Variants in ELAC2 observed in about 807,000 individuals in gnomAD.
ELAC2 encodes the protein zinc phosphodiesterase ELAC protein 2.
In ELAC2, 92 loss-of-function variants were observed where a neutral mutation model predicts 105.2. The ratio of observed to expected loss-of-function variants is 0.87; its 90% confidence interval spans 0.74 to 1.04. The LOEUF is 1.04. Ranked by LOEUF, ELAC2 falls within the 50% of genes least tolerant of loss-of-function variation. The pLI is 0.00. For missense variants in ELAC2, 1,099 were observed against 1,071.7 expected (o/e 1.03, Z -0.36); for synonymous variants, 468 against 409.1 (o/e 1.14, Z -1.74).
rs2040240629 is a variant in ELAC2, at chr17:12,992,636, G to C, written c.*182C>G. ...CGGCTGTGCCAGGCACCAGTCCTAA[G>C]AGGCATCTATAGACTAGTGCTTATG... On this transcript the variant is annotated 3_prime_UTR_variant, in exon 24 of 24. Transcript: ENST00000338034. 1 of 673,094 alleles carries C rather than the reference G, an allele frequency of 1.5e-6. No homozygotes were observed. Among genetic ancestry groups the C allele is most frequent in the African/African-American group, 1.8e-5 (1 of 55,600 alleles). 41.7% of individuals were successfully genotyped at this position (673,094 alleles called of 1,614,324 possible).
intron 8 of ELAC2, 50 bp downstream of exon 8, chr17:13,010,563 C>T (rs372973098): frequency 1.2e-5 from 18 of 1,560,436 alleles, no homozygotes; most frequent in Middle Eastern, 1.7e-4. Flanking sequence ...AACCAGAGGT[C>T]GCTGACCAAG....
Position 12,993,015 on chromosome 17 carries a change from T to C in ELAC2, c.2284A>G (p.Lys762Glu). The C allele has an allele frequency of 6.2e-7, 1 of 1,604,602 alleles. No homozygotes were observed. Among genetic ancestry groups the C allele is most frequent in the Non-Finnish European group, 8.5e-7 (1 of 1,178,216 alleles). Residue 762 changes from lysine to glutamate, a missense_variant, in exon 24 of 24, where the codon AAG becomes GAG. Transcript: ENST00000338034. ...VCFGDFPTMPKLIPPLKALFA... is the reference protein window; with the variant it reads ...VCFGDFPTMPELIPPLKALFA... The stretch of plus-strand genomic sequence containing the variant: ...AGGGCTTTCAGTGGGGGAATCAGCT[T>C]GGGCATTGTTGGAAAGTCTCCAAAG...
chr17:13,008,011 G>T (rs2041204732), intron 8 of ELAC2, among the ~76,000 whole-genome samples: 1 of 152,080 alleles, frequency 6.6e-6, no homozygotes, highest in Admixed American at 6.6e-5. Context: ...GACTAGCCTG[G>T]CCAACATGGC....
In ELAC2 at chr17:12,995,177, T is replaced by C. The variant is rs2040408693; in HGVS notation, c.1809-115A>G. ...ATCATTCTTAGGAGAAAACATGAGT[T>C]AAATCATAGTCACTATGATGAGGAA... On this transcript the variant is annotated intron_variant, in intron 19 of 23. Coordinates refer to ENST00000338034, the MANE Select transcript of ELAC2 (RefSeq NM_018127.7). 4.6e-6 allele frequency: 5 copies of C among 1,092,614 alleles called. No homozygotes were observed. The East Asian group carries it at 1.2e-4, about 26-fold the overall frequency. The allele number at this position is 1,092,614 out of a possible 1,614,324, so 67.7% of individuals were successfully genotyped here. A position where few individuals can be genotyped will look rare whatever the true frequency, so the allele number is the denominator to read the frequency against.
Position 13,000,178 on chromosome 17 carries a change from C to A in ELAC2, c.1401G>T (p.Ala467=), listed in dbSNP as rs146858023. ...QQSVQEYRRS[A]QDGPAPAEKR... is the part of the protein sequence containing the mutation. ...CACCTGCTGGGGCTGGGCCGTCCTGCGCACTCCTCCTGTACTCCTGCACGC... is the reference window on the plus strand; with the variant it reads ...CACCTGCTGGGGCTGGGCCGTCCTGAGCACTCCTCCTGTACTCCTGCACGC... Residue 467 remains alanine, a synonymous_variant, in exon 15 of 24, where the codon GCG becomes GCT. Transcript: ENST00000338034. 47 of 1,613,680 alleles carry A rather than the reference C, an allele frequency of 2.9e-5. No individual in the cohort carries two copies. The highest frequency in any genetic ancestry group is 9.3e-5 in the African/African-American group (7 of 74,918).
chr17:12,994,723 C>A (rs548083572), intron 21 of ELAC2, 41 bp downstream of exon 21: 4 of 1,613,350 alleles, frequency 2.5e-6, no homozygotes, highest in African/African-American at 2.7e-5. Flanking sequence ...TACACAAACC[C>A]CAGAGCAACC....
chr17:13,015,061 G>A (rs1289751861), intron 4 of ELAC2, among the ~76,000 whole-genome samples: 4 of 152,212 alleles, frequency 2.6e-5, no homozygotes, highest in Non-Finnish European at 4.4e-5. Context: ...ATATCAAGGT[G>A]TTTTGATTGT....
chr17:12,995,607 G>A (rs1274415090), intron 19 of ELAC2, 96 bp downstream of exon 19: 5 of 1,204,378 alleles, frequency 4.2e-6, no homozygotes, highest in East Asian at 2.5e-5. Context: ...AAGGCTGCTG[G>A]GGGATATTGG....
intron 9 of ELAC2, 22 bp downstream of exon 9, chr17:13,005,899 A>G (rs1208029688): frequency 1.9e-6 from 3 of 1,613,994 alleles, no homozygotes; most frequent in Non-Finnish European, 2.5e-6. Flanking sequence ...GAGTCCCCAG[A>G]AGCCTTACCC....
At chr17:12,995,632 T>C in intron 19 of ELAC2, 71 bp downstream of exon 19, 1 of 1,442,964 alleles carries the variant, frequency 6.9e-7, no homozygotes, top group Non-Finnish European at 9.5e-7. Flanking sequence ...TACCCCAGTG[T>C]CCACCTTGAG....
intron 8 of ELAC2, among the ~76,000 whole-genome samples, chr17:13,010,140 T>C (rs574396622): frequency 6.6e-6 from 1 of 152,276 alleles, no homozygotes; most frequent in African/African-American, 2.4e-5. Flanking sequence ...GTAGTAATAC[T>C]TGTTGCAGGC....
chr17:13,012,974 C>T (rs577886524), intron 6 of ELAC2, among the ~76,000 whole-genome samples: 1 of 152,206 alleles, frequency 6.6e-6, no homozygotes, highest in African/African-American at 2.4e-5. Flanking sequence ...ACCAACAGTG[C>T]TTGATTATCT....
chr17:13,007,225 C>T lies in ELAC2; in HGVS notation c.739-1246G>A, dbSNP rs1387025738. ...TTTATAGGAAAAAAAAAATTTCACA[C>T]AAACAGAAAAATGTCAGAAATGACA... On this transcript the variant is annotated intron_variant, in intron 8 of 23. Transcript: ENST00000338034. Among the ~76,000 whole-genome samples the T allele has an allele frequency of 3.3e-5, 5 of 151,836 alleles. No individual in the cohort carries two copies. In the South Asian group the frequency reaches 1.0e-3, roughly 32 times the overall value.
At chr17:13,016,399 G>A (rs2041722869) in intron 3 of ELAC2, among the ~76,000 whole-genome samples, 1 of 152,218 alleles carries the variant, frequency 6.6e-6, no homozygotes, top group African/African-American at 2.4e-5. Context: ...CTAAGTGGAT[G>A]GTAACACTTA....
rs1205373111 is a variant in ELAC2 at position 13,011,793 on chromosome 17, C to T, written c.560-11G>A. ...CCCTCCTCTGTTCACCTGGTCAGTA[C>T]AGATACCACCAAATTACACACTGCA... On this transcript the variant is annotated splice_polypyrimidine_tract_variant and intron_variant, in intron 6 of 23. Transcript: ENST00000338034. 2.5e-6 allele frequency: 4 copies of T among 1,614,136 alleles called. No homozygotes were observed. The highest frequency in any genetic ancestry group is 1.7e-4 in the Middle Eastern group (1 of 6,056).
chr17:12,996,764 A>G (rs2040498199), intron 16 of ELAC2, 79 bp from the exon 17 acceptor site: 2 of 1,564,768 alleles, frequency 1.3e-6, no homozygotes, highest in African/African-American at 1.4e-5. Context: ...TGCTTTGGAC[A>G]GGACCAAGAA....
chr17:13,000,005 T>G (rs182877348), intron 15 of ELAC2, 151 bp downstream of exon 15: 1 of 721,410 alleles, frequency 1.4e-6, no homozygotes, highest in African/African-American at 1.8e-5. Flanking sequence ...CCAATGACTA[T>G]AATTCTAATG....
Position 13,016,940 on chromosome 17 carries a change from T to C in ELAC2, c.297-8A>G, listed in dbSNP as rs1411946306. On this transcript the variant is annotated splice_region_variant and splice_polypyrimidine_tract_variant and intron_variant, in intron 2 of 23. Coordinates refer to ENST00000338034, the MANE Select transcript of ELAC2 (RefSeq NM_018127.7). ...AGGCGAGCAACCTTTAACCTAAGAA[T>C]GAAAAAACATTTAAACAGGATAACA... 1.2e-6 allele frequency: 2 copies of C among 1,613,674 alleles called. No homozygotes were observed. Among genetic ancestry groups the C allele is most frequent in the African/African-American group, 1.3e-5 (1 of 74,794 alleles).
At chr17:13,001,046 C>T (rs1266192579) in intron 14 of ELAC2, 1 of 153,004 alleles carries the variant, frequency 6.5e-6, no homozygotes, top group Non-Finnish European at 1.5e-5. Context: ...GTGATGTTGC[C>T]TGTGGGCCCG....
Sources: allele counts gnomAD v4.1 joint callset (sites outside exome capture counted in the v4.1 genomes callset), GRCh38; gene constraint gnomAD v4.1.1; transcripts MANE v1.5; gene names NCBI Gene and HGNC (gene_info 2026-07-23, HGNC 2026-07-21).